The following RAD51B variants were observed in gnomAD, a reference collection of about 807,000 sequenced individuals.
The protein encoded by RAD51B is RAD51 paralog B, also known as DNA repair protein RAD51 homolog 2.
RAD51B carries 38 observed loss-of-function variants against 42.2 expected under a neutral mutation model. That is an observed-to-expected ratio of 0.90 (90% confidence interval 0.70 to 1.18). RAD51B has a LOEUF of 1.18. Ranked by LOEUF, RAD51B falls within the 50% of genes most tolerant of loss-of-function variation. The pLI, the probability that RAD51B is intolerant of heterozygous loss-of-function variation, is 0.00. For synonymous variants in RAD51B, 154 were observed against 145.2 expected, an observed-to-expected ratio of 1.06 and a Z score of -0.43; for missense variants, 373 against 400.7, an observed-to-expected ratio of 0.93 and a Z score of 0.59.
intron 8 of RAD51B, among the ~76,000 whole-genome samples, chr14:68,371,002 A>G (rs1374361561): frequency 3.1e-5 from 4 of 128,386 alleles, no homozygotes; most frequent in African/African-American, 1.2e-4. Context: ...GTGCTGCTGC[A>G]CTCCAGCCTG....
At chr14:67,889,134 C>T (rs1278282103) in intron 7 of RAD51B, among the ~76,000 whole-genome samples, 1 of 152,056 alleles carries the variant, frequency 6.6e-6, no homozygotes, top group African/African-American at 2.4e-5. Flanking sequence ...CTTTGTTTCT[C>T]TATTTAGAAA....
At chr14:68,541,523 A>G (rs1887966565) in intron 10 of RAD51B, 1 of 985,320 alleles carries the variant, frequency 1.0e-6, no homozygotes, top group Non-Finnish European at 1.2e-6. Context: ...TTTGCCTTGG[A>G]AACTCATGCA....
chr14:68,002,518 G>T (rs988260240), intron 7 of RAD51B, among the ~76,000 whole-genome samples: 7 of 152,074 alleles, frequency 4.6e-5, no homozygotes, highest in African/African-American at 1.7e-4. Context: ...CTTTTGCTGT[G>T]CAGAAGCTCT....
At chr14:68,412,239 C>T (rs1437373634) in intron 9 of RAD51B, among the ~76,000 whole-genome samples, 1 of 152,142 alleles carries the variant, frequency 6.6e-6, no homozygotes, top group Non-Finnish European at 1.5e-5. Context: ...AATTCTTTTT[C>T]CTAATGACTA....
chr14:68,416,599 A>C (rs1368760199), intron 9 of RAD51B, among the ~76,000 whole-genome samples: 2 of 152,254 alleles, frequency 1.3e-5, no homozygotes, highest in East Asian at 3.8e-4. Flanking sequence ...TGAGTTTTAC[A>C]ATTTAACCAT....
chr14:68,601,803 C>T (rs996002075), intron 10 of RAD51B, among the ~76,000 whole-genome samples: 2 of 152,172 alleles, frequency 1.3e-5, no homozygotes, highest in African/African-American at 4.8e-5. Context: ...TTTCCTTGTC[C>T]TTTCTGGAAC....
chr14:68,530,419 C>G (rs1887208282), intron 10 of RAD51B, among the ~76,000 whole-genome samples: 1 of 114,186 alleles, frequency 8.8e-6, no homozygotes, highest in Non-Finnish European at 1.8e-5. Flanking sequence ...TACACTCCAG[C>G]CTGGGCAACA....
intron 10 of RAD51B, among the ~76,000 whole-genome samples, chr14:68,518,488 A>C (rs1191510167): frequency 6.6e-6 from 1 of 152,120 alleles, no homozygotes; most frequent in African/African-American, 2.4e-5. Flanking sequence ...AGAACCTTCA[A>C]ACATGGGGCC....
intron 8 of RAD51B, among the ~76,000 whole-genome samples, chr14:68,394,175 T>A (rs952164717): frequency 6.6e-6 from 1 of 152,238 alleles, no homozygotes; most frequent in Non-Finnish European, 1.5e-5. Context: ...TTACAGTGAT[T>A]GCATCTTTGT....
intron 7 of RAD51B, among the ~76,000 whole-genome samples, chr14:68,162,528 G>A (rs537930537): frequency 6.6e-6 from 1 of 152,342 alleles, no homozygotes; most frequent in Admixed American, 6.5e-5. Flanking sequence ...GCTCACGCCA[G>A]TAATACTAGC....
intron 7 of RAD51B, among the ~76,000 whole-genome samples, chr14:68,118,118 A>G (rs2077581534): frequency 1.3e-5 from 2 of 152,184 alleles, no homozygotes; most frequent in South Asian, 4.1e-4. Flanking sequence ...TTTCCTTTTT[A>G]TTTTGAAAAG....
intron 8 of RAD51B, among the ~76,000 whole-genome samples, chr14:68,385,614 AC>A (rs1402180210): frequency 6.6e-6 from 1 of 152,172 alleles, no homozygotes; most frequent in Non-Finnish European, 1.5e-5. Flanking sequence ...GATGACCCTT[AC>A]GGTACTTTCT....
At chr14:68,174,465 C>T (rs534099575) in intron 7 of RAD51B, among the ~76,000 whole-genome samples, 2 of 152,040 alleles carry the variant, frequency 1.3e-5, no homozygotes, top group Non-Finnish European at 2.9e-5. Context: ...ATAACCTTGA[C>T]AGATCTCAGT....
chr14:68,529,186 A>G (rs1194248325), intron 10 of RAD51B, among the ~76,000 whole-genome samples: 1 of 152,088 alleles, frequency 6.6e-6, no homozygotes, highest in South Asian at 2.1e-4. Flanking sequence ...GAAACACTGA[A>G]GTGGGGCTTT....
chr14:68,016,834 T>C (rs565601838), intron 7 of RAD51B, among the ~76,000 whole-genome samples: 1 of 152,318 alleles, frequency 6.6e-6, no homozygotes, highest in South Asian at 2.1e-4. Context: ...TGTGGTTAAG[T>C]AAATTCACTG....
At chr14:68,071,469 G>A (rs183823065) in intron 7 of RAD51B, among the ~76,000 whole-genome samples, 79 of 152,174 alleles carry the variant, frequency 5.2e-4, no homozygotes, top group Admixed American at 2.9e-3. Context: ...TAGCACAAAA[G>A]GATGTTGAGT....
intron 9 of RAD51B, among the ~76,000 whole-genome samples, chr14:68,442,322 C>A (rs1187279120): frequency 6.7e-6 from 1 of 149,940 alleles, no homozygotes; most frequent in Non-Finnish European, 1.5e-5. Context: ...TCTAAGGAAT[C>A]TTTGTGTTCT....
At chr14:68,557,299 C>T (rs187459925) in intron 10 of RAD51B, among the ~76,000 whole-genome samples, 461 of 152,210 alleles carry the variant, frequency 3.0e-3, no homozygotes, top group Middle Eastern at 0.027. Flanking sequence ...CCTCGCCTAC[C>T]GTACACATGC....
At chr14:67,853,572 T>C (rs1225619732) in intron 4 of RAD51B, among the ~76,000 whole-genome samples, 1 of 152,198 alleles carries the variant, frequency 6.6e-6, no homozygotes, top group East Asian at 1.9e-4. Context: ...TCAGTGAAGG[T>C]GCCTAATTAA....
Sources: gnomAD v4.1 joint callset for allele counts (sites outside exome capture counted in the v4.1 genomes callset) on GRCh38, gnomAD v4.1.1 for gene constraint, MANE v1.5 for transcripts, NCBI Gene and HGNC (gene_info 2026-07-23, HGNC 2026-07-21) for gene names.